YIPF1: variants seen among roughly 807,000 people sequenced by gnomAD.
YIPF1 encodes protein YIPF1.
YIPF1 carries 22 observed loss-of-function variants against 37.0 expected under a neutral mutation model. That is an observed-to-expected ratio of 0.59 (90% confidence interval 0.42 to 0.85). The LOEUF (loss-of-function observed/expected upper bound fraction) is 0.85, where lower values mean the gene tolerates loss of function less well. Ranked by LOEUF, YIPF1 falls within the 40% of genes least tolerant of loss-of-function variation. The pLI, the probability that YIPF1 is intolerant of heterozygous loss-of-function variation, is 0.00. For missense variants in YIPF1, 355 were observed against 373.1 expected (o/e 0.95, Z 0.40); for synonymous variants, 128 against 131.9 (o/e 0.97, Z 0.21).
chr1:53,854,873 T>C (rs1341824360), intron 10 of YIPF1: 2 of 152,004 alleles, frequency 1.3e-5, no homozygotes, highest in South Asian at 2.1e-4. Flanking sequence ...GGGAGCTATA[T>C]TGGTAAATAA....
intron 3 of YIPF1, among the ~76,000 whole-genome samples, chr1:53,887,497 G>A (rs1650687487): frequency 6.6e-6 from 1 of 151,928 alleles, no homozygotes; most frequent in Admixed American, 6.6e-5. Context: ...AGGGATAAGG[G>A]AGGAAGCAGA....
At position 53,889,475 on chromosome 1, in the gene YIPF1, G is replaced by A. The variant is rs529823849; in HGVS notation, c.-269-12C>T. 6.4e-6 allele frequency: 1 copy of A among 155,592 alleles called. No individual in the cohort carries two copies. The highest frequency in any genetic ancestry group is 1.4e-5 in the Non-Finnish European group (1 of 70,012). The allele number at this position is 155,592 out of a possible 1,614,324, so 9.6% of individuals were successfully genotyped here. A position where few individuals can be genotyped will look rare whatever the true frequency, so the allele number is the denominator to read the frequency against. ...CTCAGTTTCCTCATCTGTAAAATGG[G>A]TGCATAACGATACCTAGTCACACAG... On this transcript the variant is annotated splice_polypyrimidine_tract_variant and intron_variant, in intron 1 of 10. Coordinates refer to ENST00000072644, the MANE Select transcript of YIPF1 (RefSeq NM_018982.5).
At chr1:53,856,196 A>G (rs550178675) in intron 10 of YIPF1, among the ~76,000 whole-genome samples, 1 of 152,326 alleles carries the variant, frequency 6.6e-6, no homozygotes, top group Admixed American at 6.5e-5. Flanking sequence ...TCTAACAGCC[A>G]AGTTCATAGA....
chr1:53,886,389 G>A (rs571640275), intron 3 of YIPF1, among the ~76,000 whole-genome samples: 1 of 152,044 alleles, frequency 6.6e-6, no homozygotes, highest in East Asian at 1.9e-4. Context: ...ACTGGTATGT[G>A]TCTTATTTCT....
intron 10 of YIPF1, among the ~76,000 whole-genome samples, chr1:53,859,674 A>G (rs1569600425): frequency 6.6e-6 from 1 of 152,208 alleles, no homozygotes; most frequent in East Asian, 1.9e-4. Context: ...TCAAAAAGAA[A>G]AAAAGAAAGT....
intron 4 of YIPF1, among the ~76,000 whole-genome samples, chr1:53,879,511 C>A (rs1650429834): frequency 6.7e-6 from 1 of 148,974 alleles, no homozygotes; most frequent in Non-Finnish European, 1.5e-5. Flanking sequence ...ACTACTCTGA[C>A]AAAAAAAAAA....
chr1:53,860,688 G>A (rs1649847711), intron 9 of YIPF1, among the ~76,000 whole-genome samples: 1 of 152,228 alleles, frequency 6.6e-6, no homozygotes, highest in South Asian at 2.1e-4. Context: ...TGCTAAACTA[G>A]TTAGTTGGCT....
chr1:53,861,565 CAA>C (rs1491566181), intron 9 of YIPF1, among the ~76,000 whole-genome samples: 20 of 147,918 alleles, frequency 1.4e-4, no homozygotes, highest in Admixed American at 5.4e-4. Flanking sequence ...TGTGGTGACT[CAA>C]GAGAGAGAGA....
chr1:53,883,012 G>T, intron 4 of YIPF1, 101 bp downstream of exon 4: 1 of 1,353,632 alleles, frequency 7.4e-7, no homozygotes, highest in Non-Finnish European at 9.8e-7. Flanking sequence ...CCTCTGAGCT[G>T]TCATTGCCTG....
intron 10 of YIPF1, among the ~76,000 whole-genome samples, chr1:53,858,328 A>C (rs902353871): frequency 1.3e-5 from 2 of 152,184 alleles, no homozygotes; most frequent in Admixed American, 6.5e-5. Context: ...CAGGGCCTAC[A>C]ACCTGGATTC....
chr1:53,865,916 G>A (rs191356050), intron 9 of YIPF1, among the ~76,000 whole-genome samples: 1 of 152,110 alleles, frequency 6.6e-6, no homozygotes, highest in East Asian at 1.9e-4. Flanking sequence ...CCAAGTACCA[G>A]CTACTTGCGA....
chr1:53,857,980 C>CAAAAAAAAAAAAAAA (rs34358598), intron 10 of YIPF1, among the ~76,000 whole-genome samples: 8 of 97,016 alleles, frequency 8.2e-5, no homozygotes, highest in African/African-American at 3.2e-4. Context: ...GACTCCACCT[C>CAAAAAAAAAAAAAAA]AAAAAAAAAA....
intron 3 of YIPF1, among the ~76,000 whole-genome samples, chr1:53,884,994 T>G (rs532973114): frequency 3.0e-4 from 46 of 152,298 alleles, no homozygotes; most frequent in Middle Eastern, 3.4e-3. Flanking sequence ...ATGCAACAAT[T>G]ACTGAAGCCT....
rs1204774413 is a variant in YIPF1, at chr1:53,871,414, G to A, written c.439C>T (p.Leu147=). Residue 147 remains leucine (L), a synonymous_variant, in exon 7 of 11, where the codon CTG becomes TTG. Transcript: ENST00000072644. The part of the protein sequence containing the change: ...SGNLSNFLIH[L]GEKTYHYVPE... ...ACATAATGGTACGTCTTCTCTCCCAGATGGATCAAGAAGTTGGAAAGATTC... is the reference window on the plus strand; with the variant it reads ...ACATAATGGTACGTCTTCTCTCCCAAATGGATCAAGAAGTTGGAAAGATTC... 4 of 1,613,966 alleles carry A rather than the reference G, an allele frequency of 2.5e-6. No individual in the cohort carries two copies. The highest frequency in any genetic ancestry group is 3.4e-6 in the Non-Finnish European group (4 of 1,179,982).
intron 9 of YIPF1, among the ~76,000 whole-genome samples, chr1:53,863,591 C>A (rs1373935871): frequency 6.6e-6 from 1 of 152,206 alleles, no homozygotes; most frequent in Non-Finnish European, 1.5e-5. Flanking sequence ...CAGTCCAGGG[C>A]ACTCCCTGCT....
chr1:53,878,476 C>T (rs1349195035), intron 5 of YIPF1, 74 bp from the exon 6 acceptor site: 2 of 1,541,032 alleles, frequency 1.3e-6, no homozygotes, highest in South Asian at 2.3e-5. Context: ...AAAATTGAAA[C>T]TCAGTCATTA....
intron 8 of YIPF1, 95 bp from the exon 9 acceptor site, chr1:53,866,477 G>C: frequency 1.5e-6 from 2 of 1,362,412 alleles, no homozygotes; most frequent in Non-Finnish European, 2.0e-6. Flanking sequence ...CCAATCAGCA[G>C]CTGGGCCCCC....
At chr1:53,868,121 G>GT (rs1278009255) in intron 7 of YIPF1, among the ~76,000 whole-genome samples, 1 of 152,230 alleles carries the variant, frequency 6.6e-6, no homozygotes, top group African/African-American at 2.4e-5. Context: ...TCCCAGAACA[G>GT]TTTTTTCACA....
chr1:53,861,404 T>C (rs889635716), intron 9 of YIPF1, among the ~76,000 whole-genome samples: 1 of 152,116 alleles, frequency 6.6e-6, no homozygotes, highest in Non-Finnish European at 1.5e-5. Context: ...AGGGTGCCCT[T>C]GTAAGACAGA....
Sources: gnomAD v4.1 joint callset for allele counts (sites outside exome capture counted in the v4.1 genomes callset) on GRCh38, gnomAD v4.1.1 for gene constraint, MANE v1.5 for transcripts, NCBI Gene and HGNC (gene_info 2026-07-23, HGNC 2026-07-21) for gene names.